KCNIP4: variants seen among roughly 807,000 people sequenced by gnomAD.
KCNIP4 encodes Kv channel-interacting protein 4.
Under a neutral mutation model 34.0 loss-of-function variants are expected in KCNIP4, and 12 were observed. That is an observed-to-expected ratio of 0.35 (90% CI 0.23 to 0.57). KCNIP4 has a LOEUF of 0.57. KCNIP4 is among the 20% of genes least tolerant of loss of function. The pLI is 0.83. For missense variants in KCNIP4, 238 were observed against 311.7 expected (o/e 0.76, Z 1.78); for synonymous variants, 124 against 102.2 (o/e 1.21, Z -1.29).
intron 1 of KCNIP4, among the ~76,000 whole-genome samples, chr4:20,902,248 A>G (rs930721780): frequency 2.0e-5 from 3 of 152,212 alleles, no homozygotes; most frequent in African/African-American, 7.2e-5. Context: ...AACTGAAAAG[A>G]AGCTCAGATA....
chr4:20,843,272 T>C (rs1719964132), intron 3 of KCNIP4, among the ~76,000 whole-genome samples: 2 of 152,142 alleles, frequency 1.3e-5, no homozygotes, highest in Admixed American at 1.3e-4. Context: ...TCCACACAGA[T>C]GTATGCACAT....
At chr4:21,218,165 G>A (rs561789946) in intron 1 of KCNIP4, among the ~76,000 whole-genome samples, 39 of 151,674 alleles carry the variant, frequency 2.6e-4, no homozygotes, top group African/African-American at 7.7e-4. Flanking sequence ...ACAGGCACCC[G>A]CCACCATGCC....
At chr4:20,834,989 T>C (rs1452003963) in intron 3 of KCNIP4, among the ~76,000 whole-genome samples, 1 of 152,212 alleles carries the variant, frequency 6.6e-6, no homozygotes, top group Non-Finnish European at 1.5e-5. Flanking sequence ...CTGGTACTAA[T>C]GTTTTCATTC....
At chr4:21,609,544 C>A (rs1030172387) in intron 1 of KCNIP4, among the ~76,000 whole-genome samples, 21 of 152,204 alleles carry the variant, frequency 1.4e-4, no homozygotes, top group African/African-American at 4.8e-4. Context: ...AATTCAGACA[C>A]CTCTGAAGAT....
intron 1 of KCNIP4, among the ~76,000 whole-genome samples, chr4:21,499,744 T>G (rs1158453891): frequency 3.9e-5 from 6 of 152,172 alleles, no homozygotes; most frequent in African/African-American, 1.4e-4. Flanking sequence ...AAAGCTTATT[T>G]AAAACCAACA....
chr4:20,788,806 A>T (rs1455538538), intron 3 of KCNIP4, among the ~76,000 whole-genome samples: 2 of 152,182 alleles, frequency 1.3e-5, no homozygotes, highest in Non-Finnish European at 2.9e-5. Context: ...CAAAAATGGA[A>T]AATTACACCT....
intron 1 of KCNIP4, among the ~76,000 whole-genome samples, chr4:21,622,557 C>T (rs1430865401): frequency 6.6e-6 from 1 of 152,090 alleles, no homozygotes; most frequent in Non-Finnish European, 1.5e-5. Flanking sequence ...AAAATCAAGA[C>T]ATGTATTCAT....
intron 1 of KCNIP4, among the ~76,000 whole-genome samples, chr4:21,442,866 T>A (rs1299432521): frequency 6.6e-6 from 1 of 152,186 alleles, no homozygotes; most frequent in Non-Finnish European, 1.5e-5. Context: ...TATTCAACTG[T>A]TCTTAAATAT....
intron 1 of KCNIP4, among the ~76,000 whole-genome samples, chr4:21,051,408 C>G (rs897336519): frequency 8.7e-6 from 1 of 115,226 alleles, no homozygotes; most frequent in Non-Finnish European, 1.8e-5. Context: ...CAGATGATTT[C>G]TTTGTTTGTT....
chr4:21,330,435 T>G (rs1420960838), intron 1 of KCNIP4, among the ~76,000 whole-genome samples: 1 of 152,182 alleles, frequency 6.6e-6, no homozygotes, highest in African/African-American at 2.4e-5. Context: ...ATAACATTTA[T>G]AGTTACAGAA....
intron 1 of KCNIP4, among the ~76,000 whole-genome samples, chr4:21,413,376 A>G (rs1353307077): frequency 6.6e-6 from 1 of 152,200 alleles, no homozygotes; most frequent in Non-Finnish European, 1.5e-5. Context: ...TTTTAGCTAC[A>G]TGAACCAATA....
intron 1 of KCNIP4, among the ~76,000 whole-genome samples, chr4:21,945,542 T>C (rs1730463258): frequency 6.6e-6 from 1 of 152,200 alleles, no homozygotes; most frequent in Non-Finnish European, 1.5e-5. Context: ...ATCCATCAAA[T>C]GGCAATTCAA....
intron 1 of KCNIP4, among the ~76,000 whole-genome samples, chr4:21,233,918 A>T (rs1198310295): frequency 7.6e-6 from 1 of 131,250 alleles, no homozygotes; most frequent in Admixed American, 8.3e-5. Context: ...TATATTATAT[A>T]TTATGTAATT....
At chr4:21,931,888 C>T (rs557295632) in intron 1 of KCNIP4, among the ~76,000 whole-genome samples, 1 of 152,232 alleles carries the variant, frequency 6.6e-6, no homozygotes, top group South Asian at 2.1e-4. Context: ...AGTTTACAGT[C>T]CCACCAACAG....
At chr4:21,013,943 C>T (rs1739285233) in intron 1 of KCNIP4, among the ~76,000 whole-genome samples, 1 of 152,088 alleles carries the variant, frequency 6.6e-6, no homozygotes, top group Non-Finnish European at 1.5e-5. Flanking sequence ...CTCATTATCC[C>T]TTTACTTCTC....
At chr4:21,698,800 C>T (rs1712598011) in intron 1 of KCNIP4, among the ~76,000 whole-genome samples, 1 of 152,128 alleles carries the variant, frequency 6.6e-6, no homozygotes, top group African/African-American at 2.4e-5. Context: ...TAATTCCCAA[C>T]AGTACTACAT....
rs944032550 is a variant in KCNIP4 at position 20,806,157 on chromosome 4, T to A, written c.288+44386A>T. ...GTCTAATAACTTTTTAAAAATGAGT[T>A]TCTTTATTGTCACTTTGTTTTGTTG... is the stretch of plus-strand genomic sequence containing the variant. On this transcript the variant is annotated intron_variant, in intron 3 of 8. Transcript: ENST00000382152. Among the ~76,000 whole-genome samples, 4 of 152,232 alleles carry A rather than the reference T, an allele frequency of 2.6e-5. No individual in the cohort carries two copies. In the East Asian group the frequency reaches 7.7e-4, roughly 29 times the overall value.
chr4:21,697,665 G>C (rs1712489254), intron 1 of KCNIP4: 1 of 1,286,212 alleles, frequency 7.8e-7, no homozygotes, highest in African/African-American at 1.6e-5. Flanking sequence ...AGAAAACACG[G>C]CTTCTCAGTG....
chr4:21,377,170 C>G (rs1268939045), intron 1 of KCNIP4, among the ~76,000 whole-genome samples: 12 of 152,158 alleles, frequency 7.9e-5, no homozygotes, highest in Admixed American at 7.9e-4. Flanking sequence ...TAAATTGCAT[C>G]CATTCTAATT....
Sources: gnomAD v4.1 joint callset for allele counts (sites outside exome capture counted in the v4.1 genomes callset) on GRCh38, gnomAD v4.1.1 for gene constraint, MANE v1.5 for transcripts, NCBI Gene and HGNC (gene_info 2026-07-23, HGNC 2026-07-21) for gene names.